The following SLC24A2 variants were observed in gnomAD, a reference collection of about 807,000 sequenced individuals.
SLC24A2 encodes sodium/potassium/calcium exchanger 2.
Under a neutral mutation model 62.0 loss-of-function variants are expected in SLC24A2, and 36 were observed. That is an observed-to-expected ratio of 0.58 (90% CI 0.44 to 0.77). The LOEUF (loss-of-function observed/expected upper bound fraction) is 0.77. Ranked by LOEUF, SLC24A2 falls within the 30% of genes least tolerant of loss-of-function variation. The pLI, the probability that SLC24A2 is intolerant of heterozygous loss-of-function variation, is 0.00. For synonymous variants in SLC24A2, 358 were observed against 294.0 expected (o/e 1.22, Z -2.23); for missense variants, 846 against 817.9 (o/e 1.03, Z -0.42).
chr9:20,210,424 T>C, the SLC24A2 span, among the ~76,000 whole-genome samples: 1 of 151,866 alleles, frequency 6.6e-6, no homozygotes, highest in Non-Finnish European at 1.5e-5. Flanking sequence ...AAATAGCATT[T>C]AAAGGGAGAA....
At chr9:19,768,085 T>A (rs770695603) in intron 2 of SLC24A2, among the ~76,000 whole-genome samples, 23 of 152,254 alleles carry the variant, frequency 1.5e-4, no homozygotes, top group South Asian at 8.3e-4. Flanking sequence ...CATGGGTAAA[T>A]TAATTGATTA....
At chr9:20,270,988 C>A in the SLC24A2 span, among the ~76,000 whole-genome samples, 2 of 152,226 alleles carry the variant, frequency 1.3e-5, no homozygotes, top group African/African-American at 4.8e-5. Flanking sequence ...GGACCATTTT[C>A]TTCTCTGTTC....
the SLC24A2 span, among the ~76,000 whole-genome samples, chr9:20,123,205 T>C: frequency 1.3e-5 from 2 of 152,268 alleles, no homozygotes; most frequent in Non-Finnish European, 2.9e-5. Context: ...ATGGAAACTA[T>C]AAGCTAGCTC....
intron 2 of SLC24A2, among the ~76,000 whole-genome samples, chr9:19,695,756 A>G (rs1820173932): frequency 6.6e-6 from 1 of 151,912 alleles, no homozygotes; most frequent in Non-Finnish European, 1.5e-5. Context: ...TTAATTATAG[A>G]CTATTCATAT....
At chr9:19,626,407 T>G (rs997221168) in intron 2 of SLC24A2, among the ~76,000 whole-genome samples, 5 of 152,166 alleles carry the variant, frequency 3.3e-5, no homozygotes, top group African/African-American at 1.2e-4. Context: ...AAGACAAGTG[T>G]GTAACTAAGG....
chr9:19,799,853 A>G, the SLC24A2 span, among the ~76,000 whole-genome samples: 1 of 152,206 alleles, frequency 6.6e-6, no homozygotes, highest in Admixed American at 6.5e-5. Context: ...GGCTGCCTCA[A>G]CAAATGACCA....
chr9:20,122,189 A>G, the SLC24A2 span, among the ~76,000 whole-genome samples: 1 of 152,224 alleles, frequency 6.6e-6, no homozygotes, highest in Non-Finnish European at 1.5e-5. Flanking sequence ...GCATTTAACC[A>G]AGCATGGAAC....
the SLC24A2 span, among the ~76,000 whole-genome samples, chr9:20,254,079 T>C: frequency 2.0e-5 from 3 of 152,192 alleles, no homozygotes; most frequent in Non-Finnish European, 4.4e-5. Context: ...AAACTGCTGA[T>C]AGTAGCTTTC....
chr9:19,651,361 T>C (rs1316867553), intron 2 of SLC24A2, among the ~76,000 whole-genome samples: 2 of 152,212 alleles, frequency 1.3e-5, no homozygotes, highest in Non-Finnish European at 2.9e-5. Flanking sequence ...TATGTACAAA[T>C]ATATGAAACA....
At chr9:19,760,694 A>C (rs1407595093) in intron 2 of SLC24A2, among the ~76,000 whole-genome samples, 1 of 152,024 alleles carries the variant, frequency 6.6e-6, no homozygotes, top group Admixed American at 6.6e-5. Flanking sequence ...AAGGACATTA[A>C]GTCAGTCTTT....
At chr9:20,164,189 A>G in the SLC24A2 span, among the ~76,000 whole-genome samples, 1 of 152,272 alleles carries the variant, frequency 6.6e-6, no homozygotes, top group South Asian at 2.1e-4. Context: ...ATCCGAGTGA[A>G]CAGGCAACCT....
the SLC24A2 span, among the ~76,000 whole-genome samples, chr9:20,306,688 TTTTC>T: frequency 6.6e-6 from 1 of 152,156 alleles, no homozygotes; most frequent in African/African-American, 2.4e-5. Flanking sequence ...CTTAATGTTA[TTTTC>T]TTTTTTTGTT....
At chr9:19,546,243 C>T (rs1834559349) in intron 8 of SLC24A2, among the ~76,000 whole-genome samples, 1 of 152,252 alleles carries the variant, frequency 6.6e-6, no homozygotes, top group East Asian at 1.9e-4. Context: ...GTGCTCTCTT[C>T]AGAGCCAGTA....
intron 8 of SLC24A2, among the ~76,000 whole-genome samples, chr9:19,544,255 C>CTTTTTTTTTTTTTTTT (rs375479154): frequency 1.7e-4 from 21 of 124,008 alleles, no homozygotes; most frequent in Admixed American, 3.3e-4. Flanking sequence ...GCAACCCCTG[C>CTTTTTTTTTTTTTTTT]TTTTTTTTTT....
the SLC24A2 span, among the ~76,000 whole-genome samples, chr9:20,128,162 T>TA: frequency 1.3e-3 from 203 of 152,108 alleles, no homozygotes; most frequent in Admixed American, 2.6e-3. Flanking sequence ...AAAGAAAGGG[T>TA]AGGAAAGGCA....
intron 2 of SLC24A2, among the ~76,000 whole-genome samples, chr9:19,784,807 G>A (rs1476550549): frequency 3.5e-5 from 2 of 57,950 alleles, no homozygotes; most frequent in East Asian, 6.6e-4. Context: ...AGTACAAGTA[G>A]AAATATTGCT....
intron 5 of SLC24A2, among the ~76,000 whole-genome samples, chr9:19,590,240 C>G (rs932609641): frequency 1.3e-5 from 2 of 152,188 alleles, no homozygotes; most frequent in Non-Finnish European, 2.9e-5. Flanking sequence ...GCAGAGCTTC[C>G]ACGTCATTCA....
the SLC24A2 span, among the ~76,000 whole-genome samples, chr9:19,879,419 T>C: frequency 1.6e-4 from 24 of 152,238 alleles, no homozygotes; most frequent in African/African-American, 5.3e-4. Flanking sequence ...AAAACCTATA[T>C]AGAGCATCAT....
At chr9:19,973,952 A>T in the SLC24A2 span, among the ~76,000 whole-genome samples, 1 of 152,188 alleles carries the variant, frequency 6.6e-6, no homozygotes, top group Non-Finnish European at 1.5e-5. Flanking sequence ...TTAGGATGAT[A>T]TTCTGGTTTA....
Sources: allele counts gnomAD v4.1 joint callset (sites outside exome capture counted in the v4.1 genomes callset), GRCh38; gene constraint gnomAD v4.1.1; transcripts MANE v1.5; gene names NCBI Gene and HGNC (gene_info 2026-07-23, HGNC 2026-07-21).